The following TTC1 variants were observed in gnomAD, a reference collection of about 807,000 sequenced individuals.
TTC1 encodes the protein tetratricopeptide repeat protein 1.
A neutral mutation model predicts 37.6 loss-of-function variants in TTC1; 31 were observed. The ratio of observed to expected loss-of-function variants is 0.82; its 90% CI spans 0.62 to 1.11. The LOEUF is 1.11. Among genes scored for constraint, TTC1 ranks in the 50% most tolerant of loss-of-function variants. TTC1 has a pLI of 0.00. For missense variants in TTC1, 351 were observed against 339.0 expected (o/e 1.04, Z -0.28); for synonymous variants, 127 against 122.4 (o/e 1.04, Z -0.25).
chr5:160,021,620 C>T (rs76027989), intron 2 of TTC1, among the ~76,000 whole-genome samples: 1 of 152,214 alleles, frequency 6.6e-6, no homozygotes, highest in African/African-American at 2.4e-5. Flanking sequence ...GATCCTCCCT[C>T]ATGCCTCCCT....
intron 3 of TTC1, among the ~76,000 whole-genome samples, chr5:160,035,995 C>T (rs374657117): frequency 2.7e-5 from 4 of 148,066 alleles, no homozygotes; most frequent in South Asian, 2.1e-4. Flanking sequence ...ATCATTAATA[C>T]TGTTTTCTAA....
rs533997782 is a variant in TTC1 at position 160,019,016 on chromosome 5, C to T, written c.330+8158C>T. Among the ~76,000 whole-genome samples the T allele has an allele frequency of 6.6e-5, 10 of 152,322 alleles. No homozygotes were observed. In the South Asian group the frequency reaches 2.1e-3, roughly 32 times the overall value. ...TATTAATATGAAGAAGATGAAGGAA[C>T]TTTGAACTTATCCAGGTTCTGGTGA... On this transcript the variant is annotated intron_variant, in intron 2 of 7. Transcript: ENST00000231238.
Position 160,065,311 on chromosome 5 carries a change from C to T in TTC1, c.*246C>T. On this transcript the variant is annotated 3_prime_UTR_variant, in exon 8 of 8. Coordinates refer to ENST00000231238, the MANE Select transcript of TTC1 (RefSeq NM_003314.3). ...GTGCAGCTGGTGTCCCCGATTCTGG[C>T]TGTCCTATGTCCAGGAAGAAGCCCA... 1 of 632,168 alleles carries T rather than the reference C, an allele frequency of 1.6e-6. No homozygotes were observed. The highest frequency in any genetic ancestry group is 2.9e-6 in the Non-Finnish European group (1 of 347,300). The allele number at this position is 632,168 out of a possible 1,614,324, so 39.2% of individuals were successfully genotyped here.
At chr5:160,047,524 T>C (rs1019083558) in intron 5 of TTC1, among the ~76,000 whole-genome samples, 18 of 152,214 alleles carry the variant, frequency 1.2e-4, no homozygotes, top group African/African-American at 4.1e-4. Flanking sequence ...CCAGCTGATC[T>C]CACAGCTTTC....
intron 1 of TTC1, among the ~76,000 whole-genome samples, chr5:160,009,597 C>CATAA (rs142556060): frequency 0.088 from 13,398 of 151,996 alleles, 779 homozygotes; most frequent in Admixed American, 0.18. Flanking sequence ...GGGATGAAAA[C>CATAA]ATAAATAAAT....
intron 2 of TTC1, among the ~76,000 whole-genome samples, chr5:160,032,132 G>A (rs889914599): frequency 6.6e-6 from 1 of 152,100 alleles, no homozygotes; most frequent in African/African-American, 2.4e-5. Flanking sequence ...AAGAATGATT[G>A]GTCTCCTAAA....
intron 2 of TTC1, chr5:160,023,871 T>C: frequency 1.2e-6 from 2 of 1,611,126 alleles, no homozygotes; most frequent in East Asian, 4.5e-5. Context: ...TTCTCCTCCT[T>C]TCTTTTTCTA....
intron 2 of TTC1, among the ~76,000 whole-genome samples, chr5:160,022,768 CTTCTT>C (rs1756734656): frequency 6.6e-6 from 1 of 152,112 alleles, no homozygotes; most frequent in South Asian, 2.1e-4. Context: ...TATAGAATAT[CTTCTT>C]TATGTAAAGA....
intron 2 of TTC1, chr5:160,023,742 G>C: frequency 6.2e-7 from 1 of 1,611,444 alleles, no homozygotes; most frequent in Admixed American, 1.7e-5. Context: ...TTCTTCTTGT[G>C]CTTCTTCTTT....
At chr5:160,032,733 G>A (rs1266511116) in intron 2 of TTC1, among the ~76,000 whole-genome samples, 1 of 4,320 alleles carries the variant, frequency 2.3e-4, no homozygotes, top group African/African-American at 8.2e-4. Flanking sequence ...TTTTTTTTTT[G>A]AGACGGAGTC....
chr5:160,059,110 C>CCTAT (rs1238785572), intron 7 of TTC1, among the ~76,000 whole-genome samples: 1 of 152,148 alleles, frequency 6.6e-6, no homozygotes, highest in Non-Finnish European at 1.5e-5. Context: ...AGAGAGTCAG[C>CCTAT]CTATCCTTTG....
At chr5:160,023,629 G>C (rs1756751408) in intron 2 of TTC1, 1 of 884,992 alleles carries the variant, frequency 1.1e-6, no homozygotes, top group South Asian at 1.6e-5. Flanking sequence ...AACAGATCCA[G>C]ATGGACACAG....
intron 5 of TTC1, 53 bp downstream of exon 5, chr5:160,043,222 C>A (rs961578169): frequency 1.9e-6 from 3 of 1,602,726 alleles, no homozygotes; most frequent in Non-Finnish European, 2.6e-6. Context: ...TTATGTCAGA[C>A]AGAGGGGCTT....
intron 3 of TTC1, 56 bp from the exon 4 acceptor site, chr5:160,036,635 A>G (rs1160773657): frequency 1.4e-5 from 16 of 1,181,506 alleles, no homozygotes; most frequent in Non-Finnish European, 2.0e-5. Context: ...CCTGTGGAAT[A>G]TAGTAGTATC....
At chr5:160,026,220 TGA>T (rs1317552191) in intron 2 of TTC1, among the ~76,000 whole-genome samples, 1 of 152,160 alleles carries the variant, frequency 6.6e-6, no homozygotes, top group Non-Finnish European at 1.5e-5. Flanking sequence ...GATGTCGGGG[TGA>T]GAGAATTTAG....
At chr5:160,017,858 T>C (rs77509735) in intron 2 of TTC1, among the ~76,000 whole-genome samples, 1,758 of 152,266 alleles carry the variant, frequency 0.012, 23 homozygotes, top group African/African-American at 0.024. Context: ...TCAAGTAATA[T>C]TTACATTTCT....
intron 2 of TTC1, among the ~76,000 whole-genome samples, chr5:160,020,668 T>C (rs2113349602): frequency 6.6e-6 from 1 of 152,356 alleles, no homozygotes; most frequent in East Asian, 1.9e-4. Context: ...TGAACCCTGT[T>C]GTGAATTGCA....
chr5:160,033,837 G>A (rs1213519371), intron 2 of TTC1, among the ~76,000 whole-genome samples: 1 of 152,186 alleles, frequency 6.6e-6, no homozygotes, highest in Non-Finnish European at 1.5e-5. Context: ...AATTGTTTAG[G>A]TTCCAGGCTT....
chr5:160,041,915 C>T (rs936222374), intron 4 of TTC1, among the ~76,000 whole-genome samples: 2 of 152,088 alleles, frequency 1.3e-5, no homozygotes, highest in Admixed American at 1.3e-4. Context: ...TAAAAGGATC[C>T]TCCACACTCC....
Sources: gnomAD v4.1 joint callset for allele counts (sites outside exome capture counted in the v4.1 genomes callset) on GRCh38, gnomAD v4.1.1 for gene constraint, MANE v1.5 for transcripts, NCBI Gene and HGNC (gene_info 2026-07-23, HGNC 2026-07-21) for gene names.